The following KCNIP1 variants were observed in gnomAD, a reference collection of about 807,000 sequenced individuals.
KCNIP1 encodes the protein A-type potassium channel modulatory protein KCNIP1.
Under a neutral mutation model 33.0 loss-of-function variants are expected in KCNIP1, and 18 were observed. The observed-to-expected ratio is 0.55, with a 90% CI of 0.38 to 0.81. KCNIP1 has a LOEUF of 0.81. Ranked by LOEUF, KCNIP1 falls within the 30% of genes least tolerant of loss-of-function variation. The pLI is 0.00. For missense variants in KCNIP1, 238 were observed against 271.6 expected (o/e 0.88, Z 0.87); for synonymous variants, 93 against 98.3 (o/e 0.95, Z 0.32).
intron 1 of KCNIP1, among the ~76,000 whole-genome samples, chr5:170,563,800 C>T (rs1455028135): frequency 6.6e-6 from 1 of 152,074 alleles, no homozygotes; most frequent in Non-Finnish European, 1.5e-5. Flanking sequence ...GCCCCCACAC[C>T]TGGCTAATTT....
At chr5:170,575,751 C>A (rs1001886342) in intron 1 of KCNIP1, among the ~76,000 whole-genome samples, 1 of 152,144 alleles carries the variant, frequency 6.6e-6, no homozygotes, top group Admixed American at 6.5e-5. Context: ...TCTCAACGGG[C>A]CTTTAGAAGC....
chr5:170,568,999 T>A (rs1199912188), intron 1 of KCNIP1, among the ~76,000 whole-genome samples: 1 of 152,122 alleles, frequency 6.6e-6, no homozygotes, highest in Non-Finnish European at 1.5e-5. Flanking sequence ...CGGGATAGCT[T>A]TCCATCCAGA....
At chr5:170,473,681 A>G (rs1229523848) in intron 1 of KCNIP1, among the ~76,000 whole-genome samples, 1 of 152,156 alleles carries the variant, frequency 6.6e-6, no homozygotes, top group Non-Finnish European at 1.5e-5. Context: ...TGGTCTTCCA[A>G]GGGGACAGAC....
intron 1 of KCNIP1, among the ~76,000 whole-genome samples, chr5:170,454,274 C>T (rs73800681): frequency 2.2e-3 from 338 of 152,198 alleles, no homozygotes; most frequent in African/African-American, 7.6e-3. Flanking sequence ...ATGGTTGACT[C>T]GAAGAAGTGA....
At chr5:170,700,146 C>A (rs1467648508) in intron 1 of KCNIP1, among the ~76,000 whole-genome samples, 1 of 152,030 alleles carries the variant, frequency 6.6e-6, no homozygotes, top group Non-Finnish European at 1.5e-5. Context: ...TCTTGTTCTC[C>A]TGTGGGCTCC....
chr5:170,426,064 C>T (rs185975559), intron 1 of KCNIP1, among the ~76,000 whole-genome samples: 21 of 152,280 alleles, frequency 1.4e-4, no homozygotes, highest in Admixed American at 9.2e-4. Flanking sequence ...GCCTGGTGGC[C>T]GCTTCTCCAG....
chr5:170,377,509 A>G (rs1329551350), intron 1 of KCNIP1: 1 of 151,932 alleles, frequency 6.6e-6, no homozygotes, highest in Admixed American at 6.5e-5. Context: ...CCATACCCTC[A>G]ATTTAAATAA....
chr5:170,474,891 C>T (rs990804520), intron 1 of KCNIP1, among the ~76,000 whole-genome samples: 2 of 152,330 alleles, frequency 1.3e-5, no homozygotes, highest in Admixed American at 1.3e-4. Flanking sequence ...AACCCCCCAC[C>T]GCGTAGAAGG....
chr5:170,577,758 T>C (rs1757653245), intron 1 of KCNIP1, among the ~76,000 whole-genome samples: 2 of 152,152 alleles, frequency 1.3e-5, no homozygotes, highest in African/African-American at 4.8e-5. Flanking sequence ...AAGGACATAA[T>C]AGAAATGAGC....
chr5:170,624,656 G>A (rs1161847713), intron 1 of KCNIP1, among the ~76,000 whole-genome samples: 1 of 150,196 alleles, frequency 6.7e-6, no homozygotes. Flanking sequence ...GCTCAGACCT[G>A]TCTTGGTGCC....
intron 6 of KCNIP1, 56 bp downstream of exon 6, chr5:170,732,960 C>T: frequency 9.6e-7 from 1 of 1,045,314 alleles, no homozygotes; most frequent in South Asian, 1.3e-5. Context: ...CAAGTCAACC[C>T]ACGAGCATCT....
chr5:170,655,181 A>G (rs983591734), intron 1 of KCNIP1, among the ~76,000 whole-genome samples: 4 of 152,224 alleles, frequency 2.6e-5, no homozygotes, highest in Admixed American at 2.0e-4. Context: ...ACATCCAACA[A>G]AACTAATATT....
intron 1 of KCNIP1, among the ~76,000 whole-genome samples, chr5:170,594,234 C>A (rs1409882109): frequency 6.6e-6 from 1 of 152,182 alleles, no homozygotes; most frequent in African/African-American, 2.4e-5. Flanking sequence ...TTGTTGGTAC[C>A]TCTTCCTTCC....
At chr5:170,429,389 G>GTA (rs34186221) in intron 1 of KCNIP1, among the ~76,000 whole-genome samples, 2,261 of 150,842 alleles carry the variant, frequency 0.015, 22 homozygotes, top group Middle Eastern at 0.024. Context: ...ACATATATAT[G>GTA]TATATATATA....
intron 1 of KCNIP1, among the ~76,000 whole-genome samples, chr5:170,475,195 A>G (rs1403921540): frequency 6.6e-6 from 1 of 152,170 alleles, no homozygotes; most frequent in Non-Finnish European, 1.5e-5. Context: ...TAAGACAGAA[A>G]AGTTCTTCAA....
Position 170,504,044 on chromosome 5 carries a change from C to CAGGCAGA in KCNIP1, c.-523_-522insAAGGCAG. 5 of 981,510 alleles carry CAGGCAGA rather than the reference C, an allele frequency of 5.1e-6. No individual in the cohort carries two copies. Among genetic ancestry groups the CAGGCAGA allele is most frequent in the Non-Finnish European group, 6.0e-6 (5 of 829,758 alleles). 60.8% of individuals were successfully genotyped at this position (981,510 alleles called of 1,614,324 possible). A position where few individuals can be genotyped will look rare whatever the true frequency, so the allele number is the denominator to read the frequency against. On this transcript the variant is annotated 5_prime_UTR_variant, in exon 1 of 8. Transcript: ENST00000328939. This position sits in a 1 kb window ranked among gnomAD's most constrained non-coding sequence, Gnocchi z 6.0. ...CGACTCTCGCCCCGAGCGCTGGCAG[C>CAGGCAGA]AGGCAGCAGGCAGCAGGCGGGCGCG...
At chr5:170,460,906 C>A (rs114980607) in intron 1 of KCNIP1, among the ~76,000 whole-genome samples, 6,902 of 152,196 alleles carry the variant, frequency 0.045, 388 homozygotes, top group African/African-American at 0.13. Context: ...CCTAGAAAAA[C>A]CTAAAGATGC....
chr5:170,540,555 A>T (rs2113377855), intron 1 of KCNIP1, among the ~76,000 whole-genome samples: 1 of 152,306 alleles, frequency 6.6e-6, no homozygotes. Context: ...CCACCATGTG[A>T]TGAAGACCTG....
chr5:170,638,036 G>A (rs1581429795), intron 1 of KCNIP1, among the ~76,000 whole-genome samples: 1 of 139,052 alleles, frequency 7.2e-6, no homozygotes, highest in East Asian at 2.6e-4. Context: ...TGTGTCTGGG[G>A]GGTGGGGGGT....
Sources: allele counts gnomAD v4.1 joint callset (sites outside exome capture counted in the v4.1 genomes callset), GRCh38; gene constraint gnomAD v4.1.1; non-coding constraint Gnocchi (gnomAD v3.1); transcripts MANE v1.5; gene names NCBI Gene and HGNC (gene_info 2026-07-23, HGNC 2026-07-21).